Variants in KIFC3 observed in about 807,000 individuals in gnomAD.
KIFC3 encodes the protein kinesin family member C3.
In KIFC3, 60 loss-of-function variants were observed where a neutral mutation model predicts 101.8. The observed-to-expected ratio is 0.59, with a 90% CI of 0.48 to 0.73. KIFC3 has a LOEUF of 0.73. Among genes scored for constraint, KIFC3 ranks in the 30% least tolerant of loss-of-function variants. The pLI, the probability that KIFC3 is intolerant of heterozygous loss-of-function variation, is 0.00. For missense variants in KIFC3, 966 were observed against 1,137.1 expected (o/e 0.85, Z 2.16); for synonymous variants, 476 against 482.7 (o/e 0.99, Z 0.18).
intron 3 of KIFC3, among the ~76,000 whole-genome samples, chr16:57,781,517 T>G (rs922007149): frequency 6.6e-6 from 1 of 152,174 alleles, no homozygotes; most frequent in African/African-American, 2.4e-5. Context: ...CAGACCAAGA[T>G]GAGCAGCCTC....
At chr16:57,851,736 TTTG>T (rs1347656765) in intron 1 of KIFC3, among the ~76,000 whole-genome samples, 9 of 151,018 alleles carry the variant, frequency 6.0e-5, no homozygotes, top group Non-Finnish European at 8.9e-5. Flanking sequence ...CCGGCTAATT[TTTG>T]TTGTTGTTGT....
chr16:57,770,386 G>A, intron 7 of KIFC3, 141 bp downstream of exon 7: 1 of 717,220 alleles, frequency 1.4e-6, no homozygotes, highest in Non-Finnish European at 2.1e-6. Context: ...GACAAAACTT[G>A]CCCTGGGTCC....
chr16:57,762,723 G>A (rs1016905841), intron 12 of KIFC3, among the ~76,000 whole-genome samples: 17 of 152,126 alleles, frequency 1.1e-4, no homozygotes, highest in Admixed American at 1.3e-4. Context: ...GGGGAAGGAC[G>A]GGTGGGCCGG....
chr16:57,857,259 T>C (rs994281533), intron 1 of KIFC3, among the ~76,000 whole-genome samples: 4 of 152,128 alleles, frequency 2.6e-5, no homozygotes, highest in African/African-American at 9.7e-5. Flanking sequence ...CGCCATACCT[T>C]AGATACTGGC....
chr16:57,783,875 G>A (rs781886947), intron 3 of KIFC3, among the ~76,000 whole-genome samples: 5 of 152,216 alleles, frequency 3.3e-5, no homozygotes, highest in Non-Finnish European at 5.9e-5. Context: ...CTTTGCCTGA[G>A]GCCAGACACG....
intron 1 of KIFC3, among the ~76,000 whole-genome samples, chr16:57,838,602 C>T (rs1271852357): frequency 1.3e-5 from 2 of 152,190 alleles, no homozygotes; most frequent in African/African-American, 2.4e-5. Flanking sequence ...AAAATCTTTA[C>T]GTGGAAAATA....
Position 57,769,551 on chromosome 16 carries a change from G to A in KIFC3, c.1218+44C>T. The stretch of plus-strand genomic sequence containing the variant: ...GAGTGGATGTCGTGCCTCTCCCAGT[G>A]CACCCCCTTAGCCTGGACCCTCCCA... On this transcript the variant is annotated intron_variant, in intron 9 of 19. Transcript: ENST00000445690. The surrounding 1 kb of genome is among the most constrained non-coding windows in gnomAD (Gnocchi z 4.3). The A allele has an allele frequency of 1.3e-6, 2 of 1,573,374 alleles. No homozygotes were observed. Among genetic ancestry groups the A allele is most frequent in the South Asian group, 1.1e-5 (1 of 87,560 alleles).
chr16:57,794,820 C>T lies in KIFC3; in HGVS notation c.315+179G>A, dbSNP rs188271500. Among the ~76,000 whole-genome samples the T allele has an allele frequency of 7.9e-5, 12 of 152,270 alleles. No individual in the cohort carries two copies. The East Asian group carries it at 1.4e-3, about 17-fold the overall frequency. The stretch of plus-strand genomic sequence containing the variant: ...TCCTGTCAGCTCCTATGAGATTTCC[C>T]GTCTGACTTAATAAAGCAGGCTCCC... On this transcript the variant is annotated intron_variant, in intron 3 of 19. Transcript: ENST00000445690.
intron 3 of KIFC3, among the ~76,000 whole-genome samples, chr16:57,794,254 A>G (rs2054120420): frequency 6.7e-6 from 1 of 148,602 alleles, no homozygotes; most frequent in South Asian, 2.1e-4. Flanking sequence ...TTTTTTTGAG[A>G]CAGGGTCTCA....
At chr16:57,805,183 G>A (rs78005042), upstream of KIFC3, among the ~76,000 whole-genome samples, 3 of 151,948 alleles carry the variant, frequency 2.0e-5, no homozygotes, top group Middle Eastern at 3.4e-3. Context: ...TAGCTCTGTC[G>A]CCCTGGTTGG....
At chr16:57,824,881 C>T (rs563887344) in intron 1 of KIFC3, among the ~76,000 whole-genome samples, 3 of 152,208 alleles carry the variant, frequency 2.0e-5, no homozygotes, top group South Asian at 2.1e-4. Flanking sequence ...TGGCCTCAAG[C>T]GATCCTCCCA....
chr16:57,845,131 T>G (rs1933971774), intron 1 of KIFC3, among the ~76,000 whole-genome samples: 1 of 152,138 alleles, frequency 6.6e-6, no homozygotes, highest in Non-Finnish European at 1.5e-5. Flanking sequence ...TCCCCACAAA[T>G]CTGGTTTCTC....
At chr16:57,825,806 A>G (rs1441591326) in intron 1 of KIFC3, among the ~76,000 whole-genome samples, 1 of 152,056 alleles carries the variant, frequency 6.6e-6, no homozygotes, top group East Asian at 1.9e-4. Context: ...CAGCCTCCTG[A>G]GTAGCTGGGG....
At chr16:57,774,689 ATTTTT>A in intron 3 of KIFC3, 1 of 297,872 alleles carries the variant, frequency 3.4e-6, no homozygotes. Context: ...CGCCCGGCTA[ATTTTT>A]TTTTTTTTTT....
intron 3 of KIFC3, chr16:57,776,292 G>A: frequency 1.0e-6 from 1 of 985,480 alleles, no homozygotes; most frequent in East Asian, 1.1e-4. Flanking sequence ...AGCACACCCT[G>A]TGGAGCCCAC....
chr16:57,844,159 G>A (rs1394882451), intron 1 of KIFC3, among the ~76,000 whole-genome samples: 2 of 150,940 alleles, frequency 1.3e-5, no homozygotes, highest in Admixed American at 6.6e-5. Context: ...TAGGCTGGAC[G>A]CGGTGGCTCA....
chr16:57,783,312 C>T (rs2052935642), intron 3 of KIFC3, among the ~76,000 whole-genome samples: 1 of 152,078 alleles, frequency 6.6e-6, no homozygotes, highest in South Asian at 2.1e-4. Context: ...GAGTGACCAT[C>T]AATAGGCCTG....
intron 3 of KIFC3, chr16:57,776,150 C>G (rs925646981): frequency 1.0e-6 from 1 of 985,308 alleles, no homozygotes; most frequent in Non-Finnish European, 1.2e-6. Flanking sequence ...GCCCAGTCAA[C>G]GATCATCAGC....
At chr16:57,768,536 C>CACACACACACACAG (rs1555604749) in intron 9 of KIFC3, among the ~76,000 whole-genome samples, 1 of 151,904 alleles carries the variant, frequency 6.6e-6, no homozygotes, top group Admixed American at 6.6e-5. Context: ...CACACACACA[C>CACACACACACACAG]GCACAATTGG....
Sources: allele counts gnomAD v4.1 joint callset (sites outside exome capture counted in the v4.1 genomes callset), GRCh38; gene constraint gnomAD v4.1.1; non-coding constraint Gnocchi (gnomAD v3.1); transcripts MANE v1.5; gene names NCBI Gene and HGNC (gene_info 2026-07-23, HGNC 2026-07-21).